The following SEC13 variants were observed in gnomAD, a reference collection of about 807,000 sequenced individuals.
SEC13 encodes the protein protein SEC13 homolog.
A neutral mutation model predicts 49.2 loss-of-function variants in SEC13; 25 were observed. The observed-to-expected ratio is 0.51, with a 90% CI of 0.37 to 0.71. The LOEUF (loss-of-function observed/expected upper bound fraction) is 0.71. Among genes scored for constraint, SEC13 ranks in the 30% least tolerant of loss-of-function variants. SEC13 has a pLI of 0.00. For missense variants in SEC13, 383 were observed against 417.6 expected (o/e 0.92, Z 0.72); for synonymous variants, 148 against 163.9 (o/e 0.90, Z 0.74).
chr3:10,320,636 C>G, intron 1 of SEC13: 3 of 1,013,886 alleles, frequency 3.0e-6, no homozygotes, highest in Non-Finnish European at 3.5e-6. Flanking sequence ...GCAAGAGGCT[C>G]CACGTCTCCG....
chr3:10,311,104 GCT>G (rs1420040955), intron 5 of SEC13, among the ~76,000 whole-genome samples: 1 of 151,894 alleles, frequency 6.6e-6, no homozygotes, highest in Non-Finnish European at 1.5e-5. Context: ...GTCTGCGTGG[GCT>G]CTCTCCTGGT....
intron 2 of SEC13, among the ~76,000 whole-genome samples, chr3:10,317,342 G>C (rs1362080135): frequency 1.3e-5 from 2 of 152,168 alleles, no homozygotes; most frequent in Non-Finnish European, 2.9e-5. Context: ...ACTGTTGGTG[G>C]ACAGGTTGTG....
chr3:10,317,762 G>A (rs774690067), intron 2 of SEC13, among the ~76,000 whole-genome samples: 11 of 152,036 alleles, frequency 7.2e-5, no homozygotes, highest in Non-Finnish European at 1.6e-4. Context: ...GCCTTCATCC[G>A]AGAGCAGGTT....
chr3:10,303,958 C>G (rs1230780989), intron 8 of SEC13, 68 bp downstream of exon 8: 1 of 1,566,310 alleles, frequency 6.4e-7, no homozygotes. Flanking sequence ...ATGTCAAGTG[C>G]CCTCTCTAGT....
At chr3:10,304,292 A>AG (rs1700726635) in intron 7 of SEC13, 120 bp from the exon 8 acceptor site, 4 of 934,548 alleles carry the variant, frequency 4.3e-6, no homozygotes, top group Admixed American at 2.0e-5. Flanking sequence ...GGGGATTCAA[A>AG]GGGGAGCCGA....
At chr3:10,314,421 G>A (rs1701474763) in intron 3 of SEC13, among the ~76,000 whole-genome samples, 1 of 152,230 alleles carries the variant, frequency 6.6e-6, no homozygotes, top group Non-Finnish European at 1.5e-5. Flanking sequence ...GGTATTTTGA[G>A]GTAGCTAAGT....
Position 10,315,456 on chromosome 3 carries a change from C to T in SEC13, c.49-20G>A, listed in dbSNP as rs769763540. 9.5e-5 allele frequency: 68 copies of T among 715,466 alleles called. No homozygotes were observed. Among genetic ancestry groups the T allele is most frequent in the Non-Finnish European group, 1.2e-4 (59 of 492,552 alleles). 44.3% of individuals were successfully genotyped at this position (715,466 alleles called of 1,614,324 possible). ...GTCGTGCTGCAAAGGGAGGACAGCT[C>T]GGGAAGCCTGCAGGCTGGGTGGGTG... On this transcript the variant is annotated intron_variant, in intron 2 of 8. Coordinates refer to ENST00000350697, the MANE Select transcript of SEC13 (RefSeq NM_183352.3).
chr3:10,306,747 G>T (rs546532354), intron 5 of SEC13, among the ~76,000 whole-genome samples: 1 of 152,170 alleles, frequency 6.6e-6, no homozygotes, highest in African/African-American at 2.4e-5. Flanking sequence ...TAGATCTGAC[G>T]ATTTTAAAAA....
In SEC13 at chr3:10,321,034, C is replaced by G. The variant is rs367848122; in HGVS notation, c.3+16G>C. The G allele has an allele frequency of 3.1e-6, 5 of 1,611,970 alleles. No homozygotes were observed. The African/African-American group carries it at 4.0e-5, about 13-fold the overall frequency. ...TGGCCTTCACCCTGCTAGGCCTCCT[C>G]AGTACCAACACTCACCATGATTGCG... On this transcript the variant is annotated intron_variant, in intron 1 of 8. Coordinates refer to ENST00000350697, the MANE Select transcript of SEC13 (RefSeq NM_183352.3). The surrounding 1 kb of genome is among the most constrained non-coding windows in gnomAD (Gnocchi z 4.1).
chr3:10,305,883 G>C, intron 5 of SEC13, 191 bp from the exon 6 acceptor site: 1 of 505,808 alleles, frequency 2.0e-6, no homozygotes. Context: ...GCATTTTTCT[G>C]CAGTGTGCGC....
chr3:10,309,109 T>A (rs1281482383), intron 5 of SEC13, among the ~76,000 whole-genome samples: 1 of 151,886 alleles, frequency 6.6e-6, no homozygotes, highest in African/African-American at 2.4e-5. Flanking sequence ...GGCTAATTTT[T>A]GTATTTTTAG....
intron 5 of SEC13, among the ~76,000 whole-genome samples, chr3:10,311,308 T>C (rs1701238564): frequency 6.6e-6 from 1 of 152,142 alleles, no homozygotes; most frequent in South Asian, 2.1e-4. Context: ...TGAACTGGAA[T>C]GAGTAGATTA....
At chr3:10,309,852 C>T (rs538095340) in intron 5 of SEC13, among the ~76,000 whole-genome samples, 1 of 152,302 alleles carries the variant, frequency 6.6e-6, no homozygotes, top group East Asian at 1.9e-4. Flanking sequence ...CAGAACTCTC[C>T]CTTGTTTCTG....
intron 5 of SEC13, among the ~76,000 whole-genome samples, chr3:10,306,419 A>T (rs1351755525): frequency 2.0e-5 from 3 of 152,202 alleles, no homozygotes; most frequent in Admixed American, 6.5e-5. Context: ...TCTCATCAGG[A>T]GGCACGTTAG....
rs79228213 is a variant in SEC13, at chr3:10,306,393, T to G, written c.451-701A>C. Among the ~76,000 whole-genome samples the G allele has an allele frequency of 7.8e-3, 1,183 of 152,344 alleles. 21 individuals carry two copies. Among genetic ancestry groups the G allele is most frequent in the African/African-American group, 0.027 (1,130 of 41,576 alleles). ...TCAGGTGTGATCCCTTTGGCAAGAC[T>G]AGAGCTGGTGCGTTCTCTCATCAGG... On this transcript the variant is annotated intron_variant, in intron 5 of 8. Coordinates refer to ENST00000350697, the MANE Select transcript of SEC13 (RefSeq NM_183352.3).
chr3:10,316,385 C>G (rs539167548), intron 2 of SEC13, among the ~76,000 whole-genome samples: 4 of 152,178 alleles, frequency 2.6e-5, no homozygotes, highest in African/African-American at 9.7e-5. Flanking sequence ...GATGGGAATT[C>G]TCACCTCCCT....
chr3:10,305,184 G>T (rs371097080), intron 6 of SEC13, 28 bp from the exon 7 acceptor site: 2 of 1,587,694 alleles, frequency 1.3e-6, no homozygotes, highest in Middle Eastern at 1.7e-4. Context: ...AAGAGAATCA[G>T]CAGGGGGCCG....
rs577039396 is a variant in SEC13 at position 10,321,059 on chromosome 3, G to A, written c.-7C>T. 1.5e-5 allele frequency: 25 copies of A among 1,613,244 alleles called. 1 individual carries two copies. Among genetic ancestry groups the A allele is most frequent in the South Asian group, 1.5e-4 (14 of 90,834 alleles). On this transcript the variant is annotated 5_prime_UTR_variant, in exon 1 of 9. Transcript: ENST00000350697. This position sits in a 1 kb window ranked among gnomAD's most constrained non-coding sequence, Gnocchi z 4.1. ...CAGTACCAACACTCACCATGATTGC[G>A]GCGGTGGCTGCTCCAGGTCTCGGAC... is the stretch of plus-strand genomic sequence containing the variant.
At chr3:10,312,514 G>T in intron 4 of SEC13, 65 bp downstream of exon 4, 1 of 1,574,260 alleles carries the variant, frequency 6.4e-7, no homozygotes, top group Non-Finnish European at 8.6e-7. Flanking sequence ...CAGGGCTCCA[G>T]CCGGGACAGA....
Sources: gnomAD v4.1 joint callset for allele counts (sites outside exome capture counted in the v4.1 genomes callset) on GRCh38, gnomAD v4.1.1 for gene constraint, Gnocchi (gnomAD v3.1) non-coding constraint, MANE v1.5 for transcripts, NCBI Gene and HGNC (gene_info 2026-07-23, HGNC 2026-07-21) for gene names.